HTR1F: variants seen among roughly 807,000 people sequenced by gnomAD.
HTR1F encodes the protein 5-hydroxytryptamine (serotonin) receptor 1F, G protein-coupled.
Under a neutral mutation model 24.0 loss-of-function variants are expected in HTR1F, and 17 were observed. That is an observed-to-expected ratio of 0.71 (90% CI 0.48 to 1.06). The LOEUF is 1.06. HTR1F is among the 50% of genes least tolerant of loss of function. HTR1F has a pLI of 0.00. For missense variants in HTR1F, 391 were observed against 427.8 expected, an observed-to-expected ratio of 0.91 and a Z score of 0.76; for synonymous variants, 186 against 156.8, an observed-to-expected ratio of 1.19 and a Z score of -1.39.
At chr3:87,857,110 T>C (rs1705215381) in intron 2 of HTR1F, among the ~76,000 whole-genome samples, 1 of 152,052 alleles carries the variant, frequency 6.6e-6, no homozygotes, top group South Asian at 2.1e-4. Context: ...TATTTATTAT[T>C]ATTTTATTTT....
At chr3:87,952,182 C>G (rs1400205810) in intron 2 of HTR1F, among the ~76,000 whole-genome samples, 3 of 152,010 alleles carry the variant, frequency 2.0e-5, no homozygotes, top group Non-Finnish European at 4.4e-5. Flanking sequence ...TACATTGACT[C>G]AGGTAAGACC....
intron 2 of HTR1F, among the ~76,000 whole-genome samples, chr3:87,842,253 C>G (rs1466817241): frequency 6.6e-6 from 1 of 151,736 alleles, no homozygotes; most frequent in East Asian, 1.9e-4. Flanking sequence ...TCTCCACCTC[C>G]CGGGTTTAAG....
chr3:87,880,067 G>T (rs1243027464), intron 2 of HTR1F, among the ~76,000 whole-genome samples: 1 of 151,988 alleles, frequency 6.6e-6, no homozygotes, highest in Non-Finnish European at 1.5e-5. Context: ...AAAAAGCCAG[G>T]CACAAAAAAA....
intron 2 of HTR1F, among the ~76,000 whole-genome samples, chr3:87,968,135 T>C (rs1705206592): frequency 1.3e-5 from 2 of 152,352 alleles, no homozygotes; most frequent in African/African-American, 4.8e-5. Context: ...ACAAAGAGAC[T>C]GGTGACATTT....
chr3:87,860,492 T>C (rs1261580368), intron 2 of HTR1F, among the ~76,000 whole-genome samples: 1 of 152,184 alleles, frequency 6.6e-6, no homozygotes, highest in African/African-American at 2.4e-5. Flanking sequence ...TCCTTTGTCA[T>C]TCACATTTTT....
intron 1 of HTR1F, among the ~76,000 whole-genome samples, chr3:87,815,860 T>C (rs1305014307): frequency 1.3e-5 from 2 of 152,092 alleles, no homozygotes; most frequent in Admixed American, 6.6e-5. Flanking sequence ...ATTTCACTCA[T>C]CTCCCTCTTT....
Position 87,993,777 on chromosome 3 carries a change from G to C in HTR1F, c.*1927G>C, listed in dbSNP as rs542044567. The C allele has an allele frequency of 6.0e-6, 1 of 167,046 alleles. No homozygotes were observed. Among genetic ancestry groups the C allele is most frequent in the South Asian group, 2.1e-4 (1 of 4,822 alleles). 10.3% of individuals were successfully genotyped at this position (167,046 alleles called of 1,614,324 possible). A position where few individuals can be genotyped will look rare whatever the true frequency, so the allele number is the denominator to read the frequency against. On this transcript the variant is annotated 3_prime_UTR_variant, in exon 3 of 3. Coordinates refer to ENST00000319595, the MANE Select transcript of HTR1F (RefSeq NM_001322209.2). ...CAGTCAATTTTATTGCTGACGATGG[G>C]TAATCACTGATACTTTTAGCAAAAA... is the stretch of plus-strand genomic sequence containing the variant.
chr3:87,803,636 G>T (rs1249490439), intron 1 of HTR1F, among the ~76,000 whole-genome samples: 1 of 152,010 alleles, frequency 6.6e-6, no homozygotes, highest in East Asian at 1.9e-4. Context: ...TACAATTCGT[G>T]TTACAGTAGG....
At chr3:87,908,047 T>G (rs968599789) in intron 2 of HTR1F, among the ~76,000 whole-genome samples, 2 of 152,038 alleles carry the variant, frequency 1.3e-5, no homozygotes, top group African/African-American at 4.8e-5. Context: ...AATCAGAATT[T>G]GGAAAAATAC....
At chr3:87,839,480 T>G (rs1356668631) in intron 2 of HTR1F, among the ~76,000 whole-genome samples, 2 of 152,164 alleles carry the variant, frequency 1.3e-5, no homozygotes, top group Admixed American at 6.5e-5. Context: ...ATTTTCATGT[T>G]GGATAGTGTG....
intron 2 of HTR1F, among the ~76,000 whole-genome samples, chr3:87,838,992 T>A (rs1382985799): frequency 6.7e-6 from 1 of 149,582 alleles, no homozygotes; most frequent in Non-Finnish European, 1.5e-5. Flanking sequence ...TATTGATTGT[T>A]CTTTTTATTT....
At chr3:87,944,436 C>T (rs1020904262) in intron 2 of HTR1F, among the ~76,000 whole-genome samples, 18 of 152,150 alleles carry the variant, frequency 1.2e-4, no homozygotes, top group African/African-American at 4.3e-4. Flanking sequence ...AACTCTGCTT[C>T]CACAAGAGTC....
At chr3:87,987,329 C>T (rs1312186450) in intron 2 of HTR1F, among the ~76,000 whole-genome samples, 1 of 151,622 alleles carries the variant, frequency 6.6e-6, no homozygotes, top group East Asian at 1.9e-4. Context: ...AGCATTTTAC[C>T]TGTAATCATT....
chr3:87,816,179 A>G (rs1359084001), intron 1 of HTR1F, among the ~76,000 whole-genome samples: 4 of 151,804 alleles, frequency 2.6e-5, no homozygotes, highest in African/African-American at 9.7e-5. Flanking sequence ...ATCTTCAGTA[A>G]CCTCCAAATT....
rs1180163403 is a variant in HTR1F, at chr3:87,870,987, C to CAA, written c.-43+48864_-43+48865insAA. On this transcript the variant is annotated intron_variant, in intron 2 of 2. Coordinates refer to ENST00000319595, the MANE Select transcript of HTR1F (RefSeq NM_001322209.2). ...GCTACTTTATCAAATACCCAAATCTCAGAAAAAAAAAAAAAATCACGTGAA... is the reference window on the plus strand; with the variant it reads ...GCTACTTTATCAAATACCCAAATCTCAAAGAAAAAAAAAAAAAATCACGTGAA... Among the ~76,000 whole-genome samples, 507 of 109,424 alleles carry CAA rather than the reference C, an allele frequency of 4.6e-3. 1 individual carries two copies. Among genetic ancestry groups the CAA allele is most frequent in the African/African-American group, 0.023 (477 of 20,452 alleles). The allele number at this position is 109,424 out of a possible 152,430, so 71.8% of individuals were successfully genotyped here.
intron 2 of HTR1F, among the ~76,000 whole-genome samples, chr3:87,951,674 A>G (rs1324570014): frequency 6.6e-6 from 1 of 152,076 alleles, no homozygotes; most frequent in African/African-American, 2.4e-5. Context: ...AAGAGTCCAT[A>G]GTTCACATTA....
At chr3:87,848,420 C>A (rs537332392) in intron 2 of HTR1F, among the ~76,000 whole-genome samples, 3 of 151,534 alleles carry the variant, frequency 2.0e-5, no homozygotes, top group South Asian at 2.1e-4. Flanking sequence ...ATATTCCATG[C>A]GGAACAAGTA....
At chr3:87,882,408 A>G (rs539510808) in intron 2 of HTR1F, among the ~76,000 whole-genome samples, 2 of 152,224 alleles carry the variant, frequency 1.3e-5, no homozygotes, top group South Asian at 2.1e-4. Context: ...ATATGCACAC[A>G]TATGTTTATT....
intron 2 of HTR1F, among the ~76,000 whole-genome samples, chr3:87,836,656 G>A (rs1039846172): frequency 2.0e-5 from 3 of 152,072 alleles, no homozygotes; most frequent in Non-Finnish European, 1.5e-5. Flanking sequence ...CCCAATCTCA[G>A]AAAAGCTCAC....
Sources: allele counts gnomAD v4.1 joint callset (sites outside exome capture counted in the v4.1 genomes callset), GRCh38; gene constraint gnomAD v4.1.1; transcripts MANE v1.5; gene names NCBI Gene and HGNC (gene_info 2026-07-23, HGNC 2026-07-21).